Variants in PCLO observed in about 807,000 individuals in gnomAD.
The protein encoded by PCLO is protein piccolo.
In PCLO, 82 loss-of-function variants were observed where a neutral mutation model predicts 427.5. The observed-to-expected ratio is 0.19, with a 90% CI of 0.16 to 0.23. The LOEUF is 0.23. Ranked by LOEUF, PCLO falls within the 10% of genes least tolerant of loss-of-function variation. The pLI is 1.00. For missense variants in PCLO, 6,239 were observed against 6,115.9 expected (o/e 1.02, Z -0.67); for synonymous variants, 2,357 against 2,155.4 (o/e 1.09, Z -2.59).
intron 3 of PCLO, among the ~76,000 whole-genome samples, chr7:83,028,295 C>T (rs868532123): frequency 0.084 from 11,938 of 141,630 alleles, no homozygotes; most frequent in African/African-American, 0.14. Flanking sequence ...AAATCACAAG[C>T]ATTCTTATAC....
chr7:83,030,249 T>C (rs1419433105), intron 3 of PCLO, among the ~76,000 whole-genome samples: 4 of 152,002 alleles, frequency 2.6e-5, no homozygotes, highest in Non-Finnish European at 5.9e-5. Context: ...CACATCACAC[T>C]GTGTATAGAG....
Position 82,761,508 on chromosome 7 carries a change from T to C in PCLO, c.15008-15A>G, listed in dbSNP as rs1287595055. The C allele has an allele frequency of 1.8e-5, 29 of 1,577,580 alleles. No individual in the cohort carries two copies. Among genetic ancestry groups the C allele is most frequent in the Non-Finnish European group, 2.4e-5 (28 of 1,158,380 alleles). ...CTGAGTTTTAGCTGGGAGAATTTAA[T>C]AAAAATGCAAAGAAGTATGTAATGC... On this transcript the variant is annotated splice_polypyrimidine_tract_variant and intron_variant, in intron 22 of 24. Coordinates refer to ENST00000333891, the MANE Select transcript of PCLO (RefSeq NM_033026.6).
At chr7:82,779,647 G>A (rs544729104) in intron 22 of PCLO, among the ~76,000 whole-genome samples, 1 of 151,772 alleles carries the variant, frequency 6.6e-6, no homozygotes, top group South Asian at 2.1e-4. Context: ...GATGTAACAA[G>A]AAATCTAGAG....
chr7:83,137,419 T>TATTC (rs893560299), intron 2 of PCLO, among the ~76,000 whole-genome samples: 6 of 152,162 alleles, frequency 3.9e-5, no homozygotes, highest in South Asian at 4.1e-4. Context: ...GGTACATGGA[T>TATTC]ATTCATTCAT....
At chr7:82,820,785 A>C (rs1384109085) in intron 20 of PCLO, 1 of 1,231,220 alleles carries the variant, frequency 8.1e-7, no homozygotes, top group African/African-American at 1.6e-5. Flanking sequence ...CTTTTATCAC[A>C]ATGAAACATA....
At chr7:83,077,577 A>G (rs1789988288) in intron 3 of PCLO, among the ~76,000 whole-genome samples, 1 of 152,134 alleles carries the variant, frequency 6.6e-6, no homozygotes, top group African/African-American at 2.4e-5. Flanking sequence ...CTCTAACCAC[A>G]AATAAAAATG....
intron 3 of PCLO, among the ~76,000 whole-genome samples, chr7:83,131,592 C>T (rs562642344): frequency 6.6e-6 from 1 of 152,100 alleles, no homozygotes; most frequent in Non-Finnish European, 1.5e-5. Context: ...GTTGGACATA[C>T]TTCATAAGAA....
In PCLO at chr7:82,922,444, GA is replaced by G. The variant is rs558523796; in HGVS notation, c.11113-5572del. Among the ~76,000 whole-genome samples the G allele has an allele frequency of 3.4e-3, 516 of 152,124 alleles. 14 individuals are homozygous for G. The highest frequency in any genetic ancestry group is 6.5e-4 in the Non-Finnish European group (44 of 67,962). On this transcript the variant is annotated intron_variant, in intron 6 of 24. Coordinates refer to ENST00000333891, the MANE Select transcript of PCLO (RefSeq NM_033026.6). Reference sequence around the variant, plus strand: ...GAAATCATGTCCTTTGTGACAACATGAATGGAGCTGAAGGCCATTATCCTAA... The same window carrying G: ...GAAATCATGTCCTTTGTGACAACATGATGGAGCTGAAGGCCATTATCCTAA...
Position 83,014,191 on chromosome 7 carries a change from TAACAA to T in PCLO, c.3301-47709_3301-47705del, listed in dbSNP as rs544545281. 5.8e-4 allele frequency among the ~76,000 whole-genome samples: 88 copies of T among 152,222 alleles called. 1 individual carries two copies. In the East Asian group the frequency reaches 0.017, roughly 29 times the overall value. Reference sequence around the variant, plus strand: ...AGGCAAGAGACACACTTGAGATAGTTAACAAAACAAGTCAGTAAATGAACAAATGT... The same window carrying T: ...AGGCAAGAGACACACTTGAGATAGTTAACAAGTCAGTAAATGAACAAATGT... On this transcript the variant is annotated intron_variant, in intron 3 of 24. Coordinates refer to ENST00000333891, the MANE Select transcript of PCLO (RefSeq NM_033026.6).
chr7:83,153,827 C>G (rs1191997237), intron 2 of PCLO, among the ~76,000 whole-genome samples: 1 of 152,024 alleles, frequency 6.6e-6, no homozygotes, highest in Admixed American at 6.6e-5. Flanking sequence ...ACCATCTTCA[C>G]TGTTTTATTT....
At chr7:82,904,813 T>G (rs926407303) in intron 8 of PCLO, among the ~76,000 whole-genome samples, 4 of 152,068 alleles carry the variant, frequency 2.6e-5, no homozygotes, top group Non-Finnish European at 5.9e-5. Flanking sequence ...TTAATTTTCT[T>G]GAATATTGCT....
chr7:83,114,672 A>G (rs1432504174), intron 3 of PCLO, among the ~76,000 whole-genome samples: 1 of 152,114 alleles, frequency 6.6e-6, no homozygotes, highest in Non-Finnish European at 1.5e-5. Context: ...AGATTATAAA[A>G]GTAAAAATAG....
chr7:83,023,594 G>C (rs1788400339), intron 3 of PCLO, among the ~76,000 whole-genome samples: 1 of 152,126 alleles, frequency 6.6e-6, no homozygotes, highest in Non-Finnish European at 1.5e-5. Flanking sequence ...AAATGCTTTA[G>C]CACAAAAGAC....
intron 6 of PCLO, among the ~76,000 whole-genome samples, chr7:82,930,448 T>C (rs1051891591): frequency 2.0e-5 from 3 of 152,180 alleles, no homozygotes; most frequent in African/African-American, 7.2e-5. Context: ...ATGTATTTAT[T>C]AGAAGACGTA....
chr7:82,800,697 G>A (rs1021047581), intron 22 of PCLO, among the ~76,000 whole-genome samples: 4 of 152,034 alleles, frequency 2.6e-5, no homozygotes, highest in African/African-American at 9.7e-5. Context: ...CTGGATTCAA[G>A]CAATTCTCCT....
intron 9 of PCLO, among the ~76,000 whole-genome samples, chr7:82,899,674 T>C (rs1793993881): frequency 6.6e-6 from 1 of 151,614 alleles, no homozygotes; most frequent in South Asian, 2.1e-4. Flanking sequence ...ATTTTCTTTT[T>C]GTGAAATTTA....
At chr7:82,827,347 C>T (rs2715151) in intron 17 of PCLO, among the ~76,000 whole-genome samples, 1 of 151,722 alleles carries the variant, frequency 6.6e-6, no homozygotes, top group African/African-American at 2.4e-5. Flanking sequence ...TTACTTATCT[C>T]TGGTGATAAT....
At chr7:83,136,721 T>G (rs1361146438) in intron 2 of PCLO, among the ~76,000 whole-genome samples, 2 of 152,110 alleles carry the variant, frequency 1.3e-5, no homozygotes, top group Admixed American at 1.3e-4. Context: ...AACGTACATA[T>G]TTGACTGGTG....
At chr7:83,036,198 T>C (rs1480052554) in intron 3 of PCLO, among the ~76,000 whole-genome samples, 2 of 152,142 alleles carry the variant, frequency 1.3e-5, no homozygotes, top group Non-Finnish European at 2.9e-5. Flanking sequence ...CTTAGCACAG[T>C]GGTTCTCAAA....
Sources: gnomAD v4.1 joint callset for allele counts (sites outside exome capture counted in the v4.1 genomes callset) on GRCh38, gnomAD v4.1.1 for gene constraint, MANE v1.5 for transcripts, NCBI Gene and HGNC (gene_info 2026-07-23, HGNC 2026-07-21) for gene names.